Variants in ST3GAL3 observed in about 807,000 individuals in gnomAD.
ST3GAL3 encodes ST3 beta-galactoside alpha-2,3-sialyltransferase 3, also known as CMP-N-acetylneuraminate-beta-1,4-galactoside alpha-2,3-sialyltransferase.
In ST3GAL3, 21 loss-of-function variants were observed where a neutral mutation model predicts 50.1. The observed-to-expected ratio is 0.42, with a 90% confidence interval of 0.30 to 0.60. The LOEUF is 0.60. Ranked by LOEUF, ST3GAL3 falls within the 20% of genes least tolerant of loss-of-function variation. The probability of loss-of-function intolerance (pLI) is 0.19; values close to 1 mark genes in which losing one functional copy is unlikely to be tolerated. For synonymous variants in ST3GAL3, 183 were observed against 190.0 expected, an observed-to-expected ratio of 0.96 and a Z score of 0.30; for missense variants, 353 against 489.4, an observed-to-expected ratio of 0.72 and a Z score of 2.63.
At chr1:43,835,093 G>A (rs921802793) in intron 4 of ST3GAL3, among the ~76,000 whole-genome samples, 17 of 152,144 alleles carry the variant, frequency 1.1e-4, no homozygotes, top group Non-Finnish European at 4.4e-5. Flanking sequence ...ACGTTTGCAG[G>A]ACAATGGGTG....
chr1:43,824,297 C>CTG (rs2062483204), intron 4 of ST3GAL3, among the ~76,000 whole-genome samples: 1 of 151,514 alleles, frequency 6.6e-6, no homozygotes, highest in Admixed American at 6.6e-5. Flanking sequence ...CCTGGAGAGA[C>CTG]TGTCACTTGA....
At chr1:43,853,151 TTGG>T (rs1268185658) in intron 5 of ST3GAL3, among the ~76,000 whole-genome samples, 1 of 152,212 alleles carries the variant, frequency 6.6e-6, no homozygotes, top group Non-Finnish European at 1.5e-5. Flanking sequence ...TCTCTTTTAG[TTGG>T]TGGCCAGTAG....
chr1:43,809,899 A>G (rs941246717), intron 3 of ST3GAL3, among the ~76,000 whole-genome samples: 2 of 151,324 alleles, frequency 1.3e-5, no homozygotes, highest in Non-Finnish European at 2.9e-5. Context: ...AGGCTGAGGC[A>G]GGAGAATCTA....
intron 5 of ST3GAL3, among the ~76,000 whole-genome samples, chr1:43,890,687 A>C (rs973227230): frequency 2.6e-5 from 4 of 152,268 alleles, no homozygotes; most frequent in East Asian, 1.9e-4. Context: ...CACCCTGGGC[A>C]ACATAGTGAG....
At chr1:43,795,450 A>G (rs1459745739) in intron 3 of ST3GAL3, among the ~76,000 whole-genome samples, 7 of 152,172 alleles carry the variant, frequency 4.6e-5, no homozygotes, top group African/African-American at 1.7e-4. Context: ...TCATGCTCTC[A>G]TGGAATATTT....
At chr1:43,851,125 G>A in intron 5 of ST3GAL3, 2 of 1,097,472 alleles carry the variant, frequency 1.8e-6, no homozygotes, top group Non-Finnish European at 1.4e-6. Context: ...GGTTTTAGGA[G>A]GAGCAGCTGG....
chr1:43,719,802 A>G (rs1488196039), intron 1 of ST3GAL3, among the ~76,000 whole-genome samples: 1 of 151,716 alleles, frequency 6.6e-6, no homozygotes, highest in Admixed American at 6.6e-5. Context: ...GTATGGTGGC[A>G]TATGCCTGTA....
At chr1:43,881,415 G>A (rs77201694) in intron 5 of ST3GAL3, among the ~76,000 whole-genome samples, 13,256 of 152,342 alleles carry the variant, frequency 0.087, 773 homozygotes, top group Middle Eastern at 0.16. Context: ...CAACAGGACC[G>A]TGCCTTTGGG....
At chr1:43,898,034 C>G (rs977403859) in intron 6 of ST3GAL3, among the ~76,000 whole-genome samples, 2 of 152,170 alleles carry the variant, frequency 1.3e-5, no homozygotes, top group African/African-American at 4.8e-5. Flanking sequence ...CAGTGATATG[C>G]CTGTCTGTTT....
At chr1:43,891,674 T>C (rs2154264892) in intron 5 of ST3GAL3, among the ~76,000 whole-genome samples, 1 of 152,300 alleles carries the variant, frequency 6.6e-6, no homozygotes, top group East Asian at 1.9e-4. Context: ...GATTAAAACA[T>C]AAAAAAGCCT....
chr1:43,718,600 C>G (rs1668673326), intron 1 of ST3GAL3, among the ~76,000 whole-genome samples: 1 of 151,110 alleles, frequency 6.6e-6, no homozygotes, highest in African/African-American at 2.4e-5. Context: ...CTTCTTCTCC[C>G]TCCTTCAACA....
At chr1:43,929,364 G>C (rs1215038555) in intron 11 of ST3GAL3, among the ~76,000 whole-genome samples, 1 of 151,622 alleles carries the variant, frequency 6.6e-6, no homozygotes, top group Non-Finnish European at 1.5e-5. Context: ...GAGTGCAGTG[G>C]CGCGATCTCG....
chr1:43,802,218 T>TCAAGG (rs1558362298), intron 3 of ST3GAL3, among the ~76,000 whole-genome samples: 1 of 152,162 alleles, frequency 6.6e-6, no homozygotes, highest in Non-Finnish European at 1.5e-5. Flanking sequence ...TTAATGATAC[T>TCAAGG]CTCTTAAAAA....
intron 11 of ST3GAL3, among the ~76,000 whole-genome samples, chr1:43,927,127 C>A (rs746792910): frequency 2.6e-5 from 4 of 152,116 alleles, no homozygotes; most frequent in Non-Finnish European, 5.9e-5. Flanking sequence ...GTCGGGAGTT[C>A]GAGACTAGCC....
At chr1:43,878,888 T>G in intron 5 of ST3GAL3, 1 of 373,248 alleles carries the variant, frequency 2.7e-6, no homozygotes, top group Non-Finnish European at 5.3e-6. Flanking sequence ...TTCTAAGTAC[T>G]GGGGGGCATG....
chr1:43,918,524 TTG>T (rs1349735997), intron 9 of ST3GAL3, among the ~76,000 whole-genome samples: 2 of 152,230 alleles, frequency 1.3e-5, no homozygotes, highest in African/African-American at 4.8e-5. Flanking sequence ...CCAATCTCAT[TTG>T]TTCCCATAAC....
intron 4 of ST3GAL3, among the ~76,000 whole-genome samples, chr1:43,835,229 C>T (rs954010443): frequency 2.0e-5 from 3 of 152,034 alleles, no homozygotes; most frequent in Non-Finnish European, 2.9e-5. Context: ...GTGTGAGTGC[C>T]TTAGAGAGAC....
At chr1:43,725,576 G>A (rs1201275314) in intron 1 of ST3GAL3, among the ~76,000 whole-genome samples, 2 of 152,082 alleles carry the variant, frequency 1.3e-5, no homozygotes, top group Non-Finnish European at 2.9e-5. Flanking sequence ...TCTACTTCTA[G>A]CATTTTTATT....
chr1:43,832,763 C>T (rs553127466), intron 4 of ST3GAL3, among the ~76,000 whole-genome samples: 2 of 152,108 alleles, frequency 1.3e-5, no homozygotes, highest in Non-Finnish European at 2.9e-5. Context: ...TCAAGCTAGG[C>T]GAAGCTGCTT....
Sources: gnomAD v4.1 joint callset for allele counts (sites outside exome capture counted in the v4.1 genomes callset) on GRCh38, gnomAD v4.1.1 for gene constraint, MANE v1.5 for transcripts, NCBI Gene and HGNC (gene_info 2026-07-23, HGNC 2026-07-21) for gene names.